DLGAP2: variants seen among roughly 807,000 people sequenced by gnomAD.
DLGAP2 encodes the protein DLG associated protein 2.
Under a neutral mutation model 100.3 loss-of-function variants are expected in DLGAP2, and 26 were observed. The ratio of observed to expected loss-of-function variants is 0.26; its 90% confidence interval spans 0.19 to 0.36. The LOEUF (loss-of-function observed/expected upper bound fraction) is 0.36. DLGAP2 is among the 10% of genes least tolerant of loss of function. The pLI is 1.00. For synonymous variants in DLGAP2, 886 were observed against 630.1 expected (o/e 1.41, Z -6.08); for missense variants, 1,858 against 1,453.2 (o/e 1.28, Z -4.53).
At chr8:1,244,835 A>C (rs1210246210) in intron 2 of DLGAP2, among the ~76,000 whole-genome samples, 1 of 152,264 alleles carries the variant, frequency 6.6e-6, no homozygotes, top group East Asian at 1.9e-4. Context: ...TCAATAAAGT[A>C]AGAAGGAAAC....
At chr8:1,690,816 CAT>C (rs1225808065) in intron 12 of DLGAP2, among the ~76,000 whole-genome samples, 5 of 151,606 alleles carry the variant, frequency 3.3e-5, no homozygotes, top group Non-Finnish European at 7.4e-5. Flanking sequence ...CCTGCTGACT[CAT>C]AGCACACTCA....
intron 2 of DLGAP2, chr8:1,002,379 C>G (rs903562761): frequency 6.6e-6 from 1 of 152,216 alleles, no homozygotes; most frequent in Admixed American, 6.5e-5. Context: ...GCTGCAAAAA[C>G]TGTTTTCAAG....
intron 2 of DLGAP2, among the ~76,000 whole-genome samples, chr8:1,253,644 C>G (rs1017401190): frequency 8.1e-6 from 1 of 123,496 alleles, no homozygotes; most frequent in Non-Finnish European, 1.8e-5. Context: ...CGGTTCTCAG[C>G]GGGCTGCGTG....
intron 6 of DLGAP2, among the ~76,000 whole-genome samples, chr8:1,600,267 G>C (rs1056794220): frequency 3.3e-5 from 5 of 152,096 alleles, no homozygotes; most frequent in African/African-American, 1.2e-4. Context: ...GCTTCCCTTT[G>C]TGGGTAACCT....
At chr8:1,039,583 G>A (rs548850612) in intron 2 of DLGAP2, among the ~76,000 whole-genome samples, 2 of 110,920 alleles carry the variant, frequency 1.8e-5, no homozygotes, top group African/African-American at 3.9e-5. Context: ...TGGTCAGCTC[G>A]GTGTGCGTGG....
At chr8:1,427,356 T>G (rs1306645735) in intron 3 of DLGAP2, among the ~76,000 whole-genome samples, 1 of 152,244 alleles carries the variant, frequency 6.6e-6, no homozygotes, top group Non-Finnish European at 1.5e-5. Context: ...AAACACTCTT[T>G]TTAAGCATAA....
At chr8:979,841 T>G (rs1584943331) in intron 2 of DLGAP2, among the ~76,000 whole-genome samples, 1 of 152,212 alleles carries the variant, frequency 6.6e-6, no homozygotes, top group East Asian at 1.9e-4. Context: ...ACATTTGCAG[T>G]CTTGGACACT....
intron 3 of DLGAP2, among the ~76,000 whole-genome samples, chr8:1,334,821 G>C (rs904897605): frequency 6.6e-6 from 1 of 151,948 alleles, no homozygotes; most frequent in Admixed American, 6.6e-5. Flanking sequence ...TGTAAAGGAA[G>C]AGACACGAAA....
At chr8:835,042 C>T (rs1257441058) in intron 1 of DLGAP2, among the ~76,000 whole-genome samples, 4 of 152,078 alleles carry the variant, frequency 2.6e-5, no homozygotes, top group East Asian at 3.9e-4. Flanking sequence ...GGTTACTGCT[C>T]ACATGTGTGC....
intron 2 of DLGAP2, among the ~76,000 whole-genome samples, chr8:1,166,214 T>C (rs1289175576): frequency 3.9e-5 from 6 of 152,216 alleles, no homozygotes; most frequent in Non-Finnish European, 8.8e-5. Context: ...AACAAATGCC[T>C]GCACCACATC....
At chr8:744,393 T>C (rs1159426059) in intron 1 of DLGAP2, among the ~76,000 whole-genome samples, 1 of 152,186 alleles carries the variant, frequency 6.6e-6, no homozygotes, top group Non-Finnish European at 1.5e-5. Context: ...CTGGGTCGCA[T>C]CTAATGATCT....
intron 2 of DLGAP2, among the ~76,000 whole-genome samples, chr8:1,034,472 G>C (rs1389779544): frequency 5.9e-5 from 3 of 50,744 alleles, no homozygotes; most frequent in Non-Finnish European, 1.1e-4. Context: ...GTCACCACGA[G>C]TGGGTTCACA....
chr8:1,639,554 G>A lies in DLGAP2; in HGVS notation c.1810+6508G>A, dbSNP rs1012289742. ...GGAGACCCCTGTGGGTCCTCCCAGA[G>A]ACGGGCCTGGACTGAGGAACCCCTA... On this transcript the variant is annotated intron_variant, in intron 8 of 14. Transcript: ENST00000637795. Among the ~76,000 whole-genome samples, 5 of 152,208 alleles carry A rather than the reference G, an allele frequency of 3.3e-5. No homozygotes were observed. The East Asian group carries it at 5.8e-4, about 18-fold the overall frequency.
At chr8:1,675,732 A>ATACTT (rs1485594997) in intron 10 of DLGAP2, among the ~76,000 whole-genome samples, 1 of 152,200 alleles carries the variant, frequency 6.6e-6, no homozygotes, top group African/African-American at 2.4e-5. Context: ...ACAATAGGTA[A>ATACTT]TACTTTTCTG....
chr8:843,429 A>C (rs1203585749), intron 1 of DLGAP2, among the ~76,000 whole-genome samples: 6 of 152,152 alleles, frequency 3.9e-5, no homozygotes, highest in Non-Finnish European at 8.8e-5. Flanking sequence ...CTGCACACTG[A>C]CTGCTGGTGG....
rs1381219804 is a variant in DLGAP2 at position 1,668,466 on chromosome 8, A to T, written c.1948A>T (p.Met650Leu). 1 of 1,594,662 alleles carries T rather than the reference A, an allele frequency of 6.3e-7. No homozygotes were observed. Among genetic ancestry groups the T allele is most frequent in the South Asian group, 1.1e-5 (1 of 87,756 alleles). ...CTACCAGGACAGCCGCGCACAGAGGATGTCCCCGTGGCCCCAGGACAGCCG... is the reference window on the plus strand; with the variant it reads ...CTACCAGGACAGCCGCGCACAGAGGTTGTCCCCGTGGCCCCAGGACAGCCG... ...DAYQDSRAQR[M>L]SPWPQDSRGL... is the part of the protein sequence containing the mutation. The change falls in exon 9 of 15, where the codon ATG becomes TTG. Residue 650 changes from methionine (M) to leucine (L), a missense_variant. Coordinates refer to ENST00000637795, the MANE Select transcript of DLGAP2 (RefSeq NM_001346810.2).
At chr8:849,799 C>T (rs545668531) in intron 1 of DLGAP2, among the ~76,000 whole-genome samples, 32 of 152,100 alleles carry the variant, frequency 2.1e-4, no homozygotes, top group Non-Finnish European at 3.5e-4. Context: ...CTAGGTTGCC[C>T]GGGCACGGTG....
chr8:976,006 T>TA (rs1563123542), intron 2 of DLGAP2, among the ~76,000 whole-genome samples: 2 of 152,162 alleles, frequency 1.3e-5, no homozygotes, highest in African/African-American at 4.8e-5. Flanking sequence ...GGTTGCAAGA[T>TA]ACAAGGTTAT....
At chr8:1,254,876 C>G (rs1338269717) in intron 2 of DLGAP2, among the ~76,000 whole-genome samples, 1 of 150,948 alleles carries the variant, frequency 6.6e-6, no homozygotes, top group Admixed American at 6.6e-5. Context: ...CTCATCCTGC[C>G]TCTCCTGCCC....
Sources: gnomAD v4.1 joint callset for allele counts (sites outside exome capture counted in the v4.1 genomes callset) on GRCh38, gnomAD v4.1.1 for gene constraint, MANE v1.5 for transcripts, NCBI Gene and HGNC (gene_info 2026-07-23, HGNC 2026-07-21) for gene names.